The following PLS3 variants were observed in gnomAD, a reference collection of about 807,000 sequenced individuals.
The protein encoded by PLS3 is plastin-3.
Under a neutral mutation model 46.5 loss-of-function variants are expected in PLS3, and 11 were observed. The observed-to-expected ratio is 0.24, with a 90% confidence interval of 0.15 to 0.39. The LOEUF (loss-of-function observed/expected upper bound fraction) is 0.39. PLS3 is among the 10% of genes least tolerant of loss of function. PLS3 has a pLI of 1.00. For missense variants in PLS3, 308 were observed against 461.8 expected (o/e 0.67, Z 3.05); for synonymous variants, 167 against 162.2 (o/e 1.03, Z -0.22).
chrX:115,640,466 G>A lies in PLS3; in HGVS notation c.950G>A (p.Gly317Asp), dbSNP rs1556640870. The change falls in exon 9 of 16, where the codon GGT becomes GAT. Residue 317 changes from glycine (G) to aspartate (D), a missense_variant. This residue lies in a region of PLS3 where 271 missense variants were observed against 435.7 expected (regional missense o/e 0.62). Coordinates refer to ENST00000355899, the MANE Select transcript of PLS3 (RefSeq NM_005032.7). ...NQIAPKGQKE[G>D]EPRIDINMSG... ...ATCGCACCAAAAGGACAAAAGGAAGGTGAACCACGGATAGATATTAACATG... is the reference window on the plus strand; with the variant it reads ...ATCGCACCAAAAGGACAAAAGGAAGATGAACCACGGATAGATATTAACATG... The A allele has an allele frequency of 1.7e-6, 2 of 1,183,452 alleles. No individual in the cohort carries two copies. The highest frequency in any genetic ancestry group is 4.4e-5 in the Admixed American group (2 of 45,904).
At chrX:115,606,926 A>G (rs2074499272) in intron 1 of PLS3, among the ~76,000 whole-genome samples, 1 of 110,628 alleles carries the variant, frequency 9.0e-6, no homozygotes, top group South Asian at 3.9e-4. Flanking sequence ...CAGTGCTGGG[A>G]TTGCAGTTCT....
intron 1 of PLS3, among the ~76,000 whole-genome samples, chrX:115,593,281 G>A (rs58378328): frequency 1.8e-5 from 2 of 109,309 alleles, no homozygotes; most frequent in Non-Finnish European, 3.8e-5. Flanking sequence ...ATGGGTTGTA[G>A]CTATTTGACC....
intron 1 of PLS3, among the ~76,000 whole-genome samples, chrX:115,589,478 TTA>T (rs2147440106): frequency 8.9e-6 from 1 of 112,026 alleles, no homozygotes; most frequent in Admixed American, 9.5e-5. Context: ...GTTGCCTGTT[TTA>T]TATGTTAGAT....
rs782097909 is a variant in PLS3, at chrX:115,650,061, T to C, written c.*500T>C. The C allele has an allele frequency of 8.9e-6, 1 of 112,875 alleles. No homozygotes were observed. The highest frequency in any genetic ancestry group is 3.7e-4 in the South Asian group (1 of 2,705). 9.3% of individuals were successfully genotyped at this position (112,875 alleles called of 1,213,427 possible). A position where few individuals can be genotyped will look rare whatever the true frequency, so the allele number is the denominator to read the frequency against. On this transcript the variant is annotated 3_prime_UTR_variant, in exon 16 of 16. Transcript: ENST00000355899. ...AGTACTGAAAATTTGCCGAAGTAAC[T>C]GGCTGTGCAGAATGTAATAGAAGCT...
In PLS3 at chrX:115,600,324, G is replaced by A. The variant is rs1318558828; in HGVS notation, c.-8-9919G>A. On this transcript the variant is annotated intron_variant, in intron 1 of 15. Coordinates refer to ENST00000355899, the MANE Select transcript of PLS3 (RefSeq NM_005032.7). ...TTTTTTTTTTAAGAGAAGGAGTCTC[G>A]CTATGTTGTACAGGTTGGTCCCAAA... Among the ~76,000 whole-genome samples the A allele has an allele frequency of 7.5e-5, 8 of 106,010 alleles. 1 individual carries two copies. Among genetic ancestry groups the A allele is most frequent in the Non-Finnish European group, 1.9e-5 (1 of 51,795 alleles). The allele number at this position is 106,010 out of a possible 115,157, so 92.1% of individuals were successfully genotyped here. A position where few individuals can be genotyped will look rare whatever the true frequency, so the allele number is the denominator to read the frequency against.
At chrX:115,638,245 G>A (rs1489245816) in intron 8 of PLS3, among the ~76,000 whole-genome samples, 1 of 111,357 alleles carries the variant, frequency 9.0e-6, no homozygotes, top group Admixed American at 9.6e-5. Context: ...TGAGTAGCTG[G>A]AATTACAGGC....
chrX:115,569,035 CAA>C (rs782042707), intron 1 of PLS3, among the ~76,000 whole-genome samples: 19 of 94,277 alleles, frequency 2.0e-4, no homozygotes, highest in African/African-American at 8.1e-4. Context: ...GACTCCGTTT[CAA>C]AAAAAAAAAA....
rs1254101690 is a variant in PLS3 at position 115,561,927 on chromosome X, C to CT, written c.-9+674dup. 3.0e-4 allele frequency among the ~76,000 whole-genome samples: 33 copies of CT among 111,237 alleles called. 2 individuals are homozygous for CT. Among genetic ancestry groups the CT allele is most frequent in the Middle Eastern group, 9.3e-3 (2 of 214 alleles). The stretch of plus-strand genomic sequence containing the variant: ...CACCTAGTCTCCCTATGAGTAAGCA[C>CT]TTTTTTTCCTTTCAGTAGGAGAACA... On this transcript the variant is annotated intron_variant, in intron 1 of 15. Transcript: ENST00000355899.
chrX:115,629,387 G>C, intron 4 of PLS3, 60 bp downstream of exon 4: 6 of 972,550 alleles, frequency 6.2e-6, no homozygotes, highest in Non-Finnish European at 8.5e-6. Flanking sequence ...TTGCTGTAAT[G>C]TCAAGGACGG....
At chrX:115,571,907 C>G (rs1192388716) in intron 1 of PLS3, among the ~76,000 whole-genome samples, 2 of 111,497 alleles carry the variant, frequency 1.8e-5, no homozygotes, top group Admixed American at 9.6e-5. Flanking sequence ...AAGCAAAAAC[C>G]AGGAAATGAT....
At chrX:115,565,951 T>C (rs2074169157) in intron 1 of PLS3, among the ~76,000 whole-genome samples, 1 of 112,390 alleles carries the variant, frequency 8.9e-6, no homozygotes, top group African/African-American at 3.2e-5. Context: ...TAGGGTCTTT[T>C]AGTCCTTTGC....
intron 1 of PLS3, among the ~76,000 whole-genome samples, chrX:115,567,842 T>C (rs1214367418): frequency 1.8e-5 from 2 of 108,836 alleles, no homozygotes; most frequent in Non-Finnish European, 3.8e-5. Flanking sequence ...TATACACTTA[T>C]GTGTGCATAT....
intron 1 of PLS3, among the ~76,000 whole-genome samples, chrX:115,577,600 C>G (rs1287250481): frequency 9.0e-6 from 1 of 110,647 alleles, no homozygotes; most frequent in African/African-American, 3.3e-5. Context: ...GCCTCAGCTC[C>G]CCAAGTAGCT....
chrX:115,632,518 A>T (rs782022411), intron 5 of PLS3, among the ~76,000 whole-genome samples: 93 of 111,449 alleles, frequency 8.3e-4, no homozygotes, highest in Non-Finnish European at 1.6e-3. Context: ...AGATTTTACC[A>T]AATGAGATTT....
At chrX:115,616,869 C>T (rs1314896265) in intron 2 of PLS3, among the ~76,000 whole-genome samples, 5 of 111,409 alleles carry the variant, frequency 4.5e-5, no homozygotes, top group Admixed American at 3.8e-4. Context: ...AAAATTGACT[C>T]TAACTAACAC....
intron 2 of PLS3, 94 bp from the exon 3 acceptor site, chrX:115,622,152 G>T: frequency 1.5e-6 from 1 of 651,507 alleles, no homozygotes; most frequent in South Asian, 2.8e-5. Context: ...TTATGTAAGT[G>T]AGCTTATGAA....
chrX:115,594,350 G>A (rs782503236), intron 1 of PLS3, among the ~76,000 whole-genome samples: 4 of 111,530 alleles, frequency 3.6e-5, no homozygotes, highest in Admixed American at 2.9e-4. Context: ...CTCACTCTGA[G>A]TTGAGTCACC....
At chrX:115,566,835 C>T (rs1000593003) in intron 1 of PLS3, among the ~76,000 whole-genome samples, 5 of 110,618 alleles carry the variant, frequency 4.5e-5, no homozygotes, top group African/African-American at 1.6e-4. Context: ...CGTACCACCA[C>T]GCCTGGCTAA....
chrX:115,603,934 C>T (rs1556634938), intron 1 of PLS3, among the ~76,000 whole-genome samples: 1 of 111,717 alleles, frequency 9.0e-6, no homozygotes, highest in Non-Finnish European at 1.9e-5. Context: ...TTTTCTAGTA[C>T]TCATGAAAAA....
Sources: allele counts gnomAD v4.1 joint callset (sites outside exome capture counted in the v4.1 genomes callset), GRCh38; gene constraint gnomAD v4.1.1; regional missense constraint gnomAD v4.1.1; transcripts MANE v1.5; gene names NCBI Gene and HGNC (gene_info 2026-07-23, HGNC 2026-07-21).